Variants in NDUFA10 observed in about 807,000 individuals in gnomAD.
The protein encoded by NDUFA10 is NADH dehydrogenase [ubiquinone] 1 alpha subcomplex subunit 10, mitochondrial.
Under a neutral mutation model 47.8 loss-of-function variants are expected in NDUFA10, and 40 were observed. The ratio of observed to expected loss-of-function variants is 0.84; its 90% CI spans 0.65 to 1.09. The LOEUF (loss-of-function observed/expected upper bound fraction) is 1.09. Ranked by LOEUF, NDUFA10 falls within the 50% of genes least tolerant of loss-of-function variation. NDUFA10 has a pLI of 0.00. For missense variants in NDUFA10, 413 were observed against 451.1 expected (o/e 0.92, Z 0.76); for synonymous variants, 183 against 172.2 (o/e 1.06, Z -0.49).
chr2:239,970,274 A>AT (rs1695256011), intron 9 of NDUFA10, among the ~76,000 whole-genome samples: 1 of 152,186 alleles, frequency 6.6e-6, no homozygotes, highest in South Asian at 2.1e-4. Context: ...GGAAAAAAAA[A>AT]CTGTCAACCT....
chr2:239,980,600 T>A (rs774981098), intron 9 of NDUFA10, among the ~76,000 whole-genome samples: 2 of 152,098 alleles, frequency 1.3e-5, no homozygotes, highest in Admixed American at 6.5e-5. Context: ...GGTTTCCAGT[T>A]ATAAAGAAAA....
intron 8 of NDUFA10, among the ~76,000 whole-genome samples, chr2:239,991,789 G>C (rs925753630): frequency 6.6e-6 from 1 of 152,166 alleles, no homozygotes; most frequent in African/African-American, 2.4e-5. Context: ...AAATATCAAT[G>C]TAGGGAGGTG....
intron 4 of NDUFA10, among the ~76,000 whole-genome samples, chr2:239,909,183 A>G (rs990519452): frequency 2.0e-5 from 3 of 151,904 alleles, no homozygotes; most frequent in Non-Finnish European, 4.4e-5. Context: ...GAGGAATCAG[A>G]CAAAACCAAA....
chr2:239,896,744 G>C (rs1437272632), intron 4 of NDUFA10, among the ~76,000 whole-genome samples: 1 of 152,150 alleles, frequency 6.6e-6, no homozygotes, highest in Non-Finnish European at 1.5e-5. Context: ...GGTTACGTGG[G>C]GAAAATGCCC....
At chr2:239,979,356 C>T (rs1695673736) in intron 9 of NDUFA10, among the ~76,000 whole-genome samples, 1 of 151,854 alleles carries the variant, frequency 6.6e-6, no homozygotes, top group Non-Finnish European at 1.5e-5. Context: ...CCTCCAGTCA[C>T]ACACACAACT....
At chr2:239,962,563 T>C (rs1197963369) in intron 9 of NDUFA10, among the ~76,000 whole-genome samples, 1 of 152,166 alleles carries the variant, frequency 6.6e-6, no homozygotes, top group African/African-American at 2.4e-5. Flanking sequence ...CTCTCCTAGG[T>C]GCACAGCTGT....
intron 8 of NDUFA10, among the ~76,000 whole-genome samples, chr2:239,993,729 G>A (rs1262560175): frequency 6.6e-6 from 1 of 152,194 alleles, no homozygotes; most frequent in Non-Finnish European, 1.5e-5. Context: ...GGGAGCAGCA[G>A]TGTTAGAGAC....
At chr2:239,981,410 G>A (rs1175667345) in intron 9 of NDUFA10, among the ~76,000 whole-genome samples, 1 of 97,294 alleles carries the variant, frequency 1.0e-5, no homozygotes, top group Non-Finnish European at 2.0e-5. Flanking sequence ...AAAATAACTA[G>A]GTTTAAAATG....
intron 3 of NDUFA10, among the ~76,000 whole-genome samples, chr2:240,020,102 C>T (rs920666235): frequency 2.6e-5 from 4 of 151,576 alleles, no homozygotes; most frequent in African/African-American, 9.7e-5. Context: ...TGGACACACA[C>T]TGCATCCGTG....
At chr2:240,001,361 A>G (rs950652473) in intron 8 of NDUFA10, among the ~76,000 whole-genome samples, 2 of 152,246 alleles carry the variant, frequency 1.3e-5, no homozygotes, top group African/African-American at 4.8e-5. Context: ...AATATACCAT[A>G]AACAGTATCA....
Position 240,018,371 on chromosome 2 carries a change from G to A in NDUFA10, c.547+182C>T, listed in dbSNP as rs1574896841. ...GACAGCACAAAAGACACCTATTTCA[G>A]GAGGGAGAAAGGGTGGAAGATACTT... On this transcript the variant is annotated intron_variant, in intron 4 of 9. Coordinates refer to ENST00000252711, the MANE Select transcript of NDUFA10 (RefSeq NM_004544.4). The A allele has an allele frequency of 6.6e-6, 10 of 1,520,434 alleles. No homozygotes were observed. In the South Asian group the frequency reaches 1.2e-4, roughly 18 times the overall value. The allele number at this position is 1,520,434 out of a possible 1,614,324, so 94.2% of individuals were successfully genotyped here. A position where few individuals can be genotyped will look rare whatever the true frequency, so the allele number is the denominator to read the frequency against.
chr2:239,967,019 T>C (rs749242874), intron 9 of NDUFA10, among the ~76,000 whole-genome samples: 1 of 152,078 alleles, frequency 6.6e-6, no homozygotes, highest in Non-Finnish European at 1.5e-5. Context: ...TCTTCCAGCC[T>C]AGGGCTGTGT....
At chr2:240,014,543 G>A (rs1697257888) in intron 5 of NDUFA10, 196 bp downstream of exon 5, 6 of 796,014 alleles carry the variant, frequency 7.5e-6, no homozygotes, top group Middle Eastern at 3.1e-4. Flanking sequence ...CAGGCCCGCA[G>A]GCTGTGGCAC....
chr2:239,939,020 G>A (rs1044109368), intron 4 of NDUFA10, among the ~76,000 whole-genome samples: 7 of 152,198 alleles, frequency 4.6e-5, no homozygotes, highest in South Asian at 2.1e-4. Flanking sequence ...AACAGTGCTC[G>A]GCGGAAAGAC....
At chr2:239,952,003 G>A (rs541685903) in intron 4 of NDUFA10, among the ~76,000 whole-genome samples, 1 of 152,346 alleles carries the variant, frequency 6.6e-6, no homozygotes, top group East Asian at 1.9e-4. Context: ...TGTGGCATGG[G>A]TCCTGGGGTG....
chr2:239,954,228 TGA>T (rs1348469569), downstream of NDUFA10, among the ~76,000 whole-genome samples: 3 of 145,066 alleles, frequency 2.1e-5, no homozygotes, highest in African/African-American at 8.2e-5. Flanking sequence ...CCCAGGACTG[TGA>T]GAGTGGGTTC....
At position 240,016,300 on chromosome 2, in the gene NDUFA10, C is replaced by T. The variant is rs1364420382; in HGVS notation, c.548-1440G>A. On this transcript the variant is annotated intron_variant, in intron 4 of 9. Transcript: ENST00000252711. This position sits in a 1 kb window ranked among gnomAD's most constrained non-coding sequence, Gnocchi z 4.4. The stretch of plus-strand genomic sequence containing the variant: ...ACGGGACCTCGGGTCTGCTTCCTGA[C>T]TGCTGGACCGGTAGCAGGCCGGTCT... Among the ~76,000 whole-genome samples the T allele has an allele frequency of 6.6e-6, 1 of 152,208 alleles. No homozygotes were observed. The highest frequency in any genetic ancestry group is 1.5e-5 in the Non-Finnish European group (1 of 68,048).
intron 4 of NDUFA10, among the ~76,000 whole-genome samples, chr2:239,899,342 A>T (rs535293644): frequency 7.5e-5 from 2 of 26,788 alleles, no homozygotes; most frequent in African/African-American, 3.0e-4. Context: ...AGGGGTGTAA[A>T]GGAGGGGTGT....
intron 4 of NDUFA10, among the ~76,000 whole-genome samples, chr2:239,950,057 T>C: frequency 6.6e-6 from 1 of 152,114 alleles, no homozygotes; most frequent in Non-Finnish European, 1.5e-5. Flanking sequence ...AATCAGGCCG[T>C]CCCCACCTGC....
Sources: allele counts gnomAD v4.1 joint callset (sites outside exome capture counted in the v4.1 genomes callset), GRCh38; gene constraint gnomAD v4.1.1; non-coding constraint Gnocchi (gnomAD v3.1); transcripts MANE v1.5; gene names NCBI Gene and HGNC (gene_info 2026-07-23, HGNC 2026-07-21).